The following TRIM26 variants were observed in gnomAD, a reference collection of about 807,000 sequenced individuals.
TRIM26 encodes the protein tripartite motif containing 26.
In TRIM26, 16 loss-of-function variants were observed where a neutral mutation model predicts 45.5. The ratio of observed to expected loss-of-function variants is 0.35; its 90% CI spans 0.24 to 0.53. The LOEUF is 0.53. TRIM26 is among the 20% of genes least tolerant of loss of function. The pLI, the probability that TRIM26 is intolerant of heterozygous loss-of-function variation, is 0.92. For missense variants in TRIM26, 442 were observed against 691.1 expected (o/e 0.64, Z 4.04); for synonymous variants, 273 against 290.4 (o/e 0.94, Z 0.61).
chr6:30,194,648 A>G (rs566657715), intron 6 of TRIM26, among the ~76,000 whole-genome samples: 24 of 152,284 alleles, frequency 1.6e-4, no homozygotes, highest in African/African-American at 5.5e-4. Context: ...TGAGGTCAGG[A>G]GTTCAAGACC....
In TRIM26 at chr6:30,193,385, T is replaced by C. The variant is rs571596473; in HGVS notation, c.765+3131A>G. ...TTAGTAGAGATGGGGTTTCACCATG[T>C]TGGTCAGGCTGGTCTCAAACTCCTG... On this transcript the variant is annotated intron_variant, in intron 6 of 9. Coordinates refer to ENST00000454678, the MANE Select transcript of TRIM26 (RefSeq NM_003449.5). 6.0e-5 allele frequency among the ~76,000 whole-genome samples: 9 copies of C among 151,186 alleles called. No individual in the cohort carries two copies. The South Asian group carries it at 8.4e-4, about 14-fold the overall frequency.
chr6:30,185,082 G>A lies in TRIM26; in HGVS notation c.*794C>T, dbSNP rs1021592416. On this transcript the variant is annotated 3_prime_UTR_variant, in exon 10 of 10. Coordinates refer to ENST00000454678, the MANE Select transcript of TRIM26 (RefSeq NM_003449.5). The surrounding 1 kb of genome is among the most constrained non-coding windows in gnomAD (Gnocchi z 5.7). ...TTGTCTTGGTGTTTTTGGATGTGCTGATCAAGAGCAAGATGTTCTGGATTC... is the reference window on the plus strand; with the variant it reads ...TTGTCTTGGTGTTTTTGGATGTGCTAATCAAGAGCAAGATGTTCTGGATTC... The A allele has an allele frequency of 6.6e-6, 1 of 150,882 alleles. No individual in the cohort carries two copies. Among genetic ancestry groups the A allele is most frequent in the African/African-American group, 2.5e-5 (1 of 40,478 alleles). 9.3% of individuals were successfully genotyped at this position (150,882 alleles called of 1,614,324 possible).
intron 9 of TRIM26, chr6:30,187,086 C>A (rs565023801): frequency 6.9e-6 from 2 of 289,022 alleles, no homozygotes; most frequent in East Asian, 1.0e-4. Flanking sequence ...TAATTGGGAT[C>A]TTTTTTGGCT....
intron 9 of TRIM26, chr6:30,188,103 T>C (rs369879471): frequency 1.1e-4 from 16 of 147,870 alleles, no homozygotes; most frequent in East Asian, 5.6e-4. Flanking sequence ...CCTGTAGTCC[T>C]AGCTACTCGG....
At position 30,187,465 on chromosome 6, in the gene TRIM26, AT is replaced by A. The variant is rs1363373138; in HGVS notation, c.938-908del. On this transcript the variant is annotated intron_variant, in intron 9 of 9. Transcript: ENST00000454678. ...TAAAGCTCTCCCAGAAAGGGTACAA[AT>A]GCATGAAATTGTTTTGGAGTAACTT... 3 of 521,510 alleles carry A rather than the reference AT, an allele frequency of 5.8e-6. No individual in the cohort carries two copies. The Admixed American group carries it at 6.0e-5, about 10-fold the overall frequency. 32.3% of individuals were successfully genotyped at this position (521,510 alleles called of 1,614,324 possible).
At position 30,198,639 on chromosome 6, in the gene TRIM26, G is replaced by A; in HGVS notation, c.438+27C>T. 2 of 1,603,586 alleles carry A rather than the reference G, an allele frequency of 1.2e-6. No homozygotes were observed. The highest frequency in any genetic ancestry group is 1.3e-5 in the African/African-American group (1 of 74,878). On this transcript the variant is annotated intron_variant, in intron 4 of 9. Coordinates refer to ENST00000454678, the MANE Select transcript of TRIM26 (RefSeq NM_003449.5). The surrounding 1 kb of genome is among the most constrained non-coding windows in gnomAD (Gnocchi z 6.3). ...TGGAGCATCCAGAGAAGGTGGCAAGGCACCCTCGGGGGTGAAGAGGGCTTA... is the reference window on the plus strand; with the variant it reads ...TGGAGCATCCAGAGAAGGTGGCAAGACACCCTCGGGGGTGAAGAGGGCTTA...
intron 9 of TRIM26, among the ~76,000 whole-genome samples, chr6:30,188,936 A>G (rs1412777772): frequency 6.6e-6 from 1 of 152,094 alleles, no homozygotes; most frequent in East Asian, 1.9e-4. Flanking sequence ...GAAAAAGAAA[A>G]GCAAACACAG....
At position 30,199,082 on chromosome 6, in the gene TRIM26, G is replaced by A. The variant is rs1208424105; in HGVS notation, c.22C>T (p.Arg8Trp). Residue 8 changes from arginine (R) to tryptophan (W), a missense_variant, in exon 4 of 10, where the codon CGG becomes TGG. Coordinates refer to ENST00000454678, the MANE Select transcript of TRIM26 (RefSeq NM_003449.5). Reference sequence around the variant, plus strand: ...CAGGTCACCTCCTCTTCCAGGCTCCGTAGTGGGGCTGACGTGGCCATGGTA... The same window carrying A: ...CAGGTCACCTCCTCTTCCAGGCTCCATAGTGGGGCTGACGTGGCCATGGTA... MATSAPLRSLEEEVTCSI... is the reference protein window; with the variant it reads MATSAPLWSLEEEVTCSI... 5.7e-6 allele frequency: 9 copies of A among 1,575,024 alleles called. No individual in the cohort carries two copies. Among genetic ancestry groups the A allele is most frequent in the African/African-American group, 1.3e-5 (1 of 74,162 alleles).
At chr6:30,204,431 T>G (rs1327177075) in intron 2 of TRIM26, among the ~76,000 whole-genome samples, 1 of 152,242 alleles carries the variant, frequency 6.6e-6, no homozygotes, top group African/African-American at 2.4e-5. Flanking sequence ...CACCCTAGCC[T>G]TAGCTATGAC....
chr6:30,190,441 G>A lies in TRIM26; in HGVS notation c.766-406C>T. 4.2e-6 allele frequency: 1 copy of A among 237,284 alleles called. No individual in the cohort carries two copies. 14.7% of individuals were successfully genotyped at this position (237,284 alleles called of 1,614,324 possible). On this transcript the variant is annotated intron_variant, in intron 6 of 9. Coordinates refer to ENST00000454678, the MANE Select transcript of TRIM26 (RefSeq NM_003449.5). The surrounding 1 kb of genome is among the most constrained non-coding windows in gnomAD (Gnocchi z 4.3). ...CCACGTACAGTGGAAACCCACCAAG[G>A]GTTTCAAGTAGGGGCATGATATGTG...
At chr6:30,204,924 G>C (rs924395868) in intron 1 of TRIM26, among the ~76,000 whole-genome samples, 159 bp from the exon 2 acceptor site, 1 of 152,038 alleles carries the variant, frequency 6.6e-6, no homozygotes, top group Admixed American at 6.6e-5. Context: ...CTGGGGGTGA[G>C]GGGGTATTTT....
chr6:30,187,205 A>AT (rs771639468), intron 9 of TRIM26: 2 of 276,848 alleles, frequency 7.2e-6, no homozygotes, highest in Non-Finnish European at 1.5e-5. Flanking sequence ...GCTTGCATCT[A>AT]TAACAACATT....
chr6:30,194,643 T>C (rs995301573), intron 6 of TRIM26, among the ~76,000 whole-genome samples: 3 of 152,000 alleles, frequency 2.0e-5, no homozygotes, highest in Admixed American at 2.0e-4. Context: ...TCACCTGAGG[T>C]CAGGAGTTCA....
Position 30,198,030 on chromosome 6 carries a change from C to T in TRIM26, c.534+399G>A, listed in dbSNP as rs1776672695. 6.6e-6 allele frequency among the ~76,000 whole-genome samples: 1 copy of T among 152,208 alleles called. No homozygotes were observed. Among genetic ancestry groups the T allele is most frequent in the African/African-American group, 2.4e-5 (1 of 41,454 alleles). ...CTCTCAGTTCTTACCCTGGAGCCAG[C>T]TCCCTCCTTCTAAACCCTCTCCACT... On this transcript the variant is annotated intron_variant, in intron 5 of 9. Coordinates refer to ENST00000454678, the MANE Select transcript of TRIM26 (RefSeq NM_003449.5). This position sits in a 1 kb window ranked among gnomAD's most constrained non-coding sequence, Gnocchi z 6.3.
chr6:30,208,926 G>C (rs998663174), intron 1 of TRIM26, among the ~76,000 whole-genome samples: 2 of 151,606 alleles, frequency 1.3e-5, no homozygotes, highest in African/African-American at 2.4e-5. Flanking sequence ...GTGTGTGTGT[G>C]TGTGTGTGTG....
intron 3 of TRIM26, among the ~76,000 whole-genome samples, chr6:30,199,660 G>A (rs559763019): frequency 7.0e-6 from 1 of 142,904 alleles, no homozygotes; most frequent in South Asian, 2.3e-4. Context: ...TTTTTGAGAT[G>A]GAGTCTTACT....
Position 30,196,098 on chromosome 6 carries a change from T to C in TRIM26, c.765+418A>G, listed in dbSNP as rs1360448391. ...CCCTATCTCTTCCAGATCCTCTGGG[T>C]CTTTGAGAGGAGCTGCTGGTCAGCC... On this transcript the variant is annotated intron_variant, in intron 6 of 9. Coordinates refer to ENST00000454678, the MANE Select transcript of TRIM26 (RefSeq NM_003449.5). The surrounding 1 kb of genome is among the most constrained non-coding windows in gnomAD (Gnocchi z 4.9). Among the ~76,000 whole-genome samples, 1 of 152,168 alleles carries C rather than the reference T, an allele frequency of 6.6e-6. No homozygotes were observed.
chr6:30,201,841 C>A (rs992210759), intron 2 of TRIM26, among the ~76,000 whole-genome samples: 1 of 150,512 alleles, frequency 6.6e-6, no homozygotes, highest in African/African-American at 2.4e-5. Flanking sequence ...GAGTGAGACT[C>A]CATCTCAAAA....
At chr6:30,210,496 T>C (rs188911034) in intron 1 of TRIM26, among the ~76,000 whole-genome samples, 87 of 152,306 alleles carry the variant, frequency 5.7e-4, no homozygotes, top group African/African-American at 2.0e-3. Flanking sequence ...TCCCTCCTCC[T>C]GCAGCTTTGC....
Sources: gnomAD v4.1 joint callset for allele counts (sites outside exome capture counted in the v4.1 genomes callset) on GRCh38, gnomAD v4.1.1 for gene constraint, Gnocchi (gnomAD v3.1) non-coding constraint, MANE v1.5 for transcripts, NCBI Gene and HGNC (gene_info 2026-07-23, HGNC 2026-07-21) for gene names.